NAALADL2: variants seen among roughly 807,000 people sequenced by gnomAD.
NAALADL2 encodes the protein N-acetylated alpha-linked acidic dipeptidase like 2.
In NAALADL2, 76 loss-of-function variants were observed where a neutral mutation model predicts 87.2. That is an observed-to-expected ratio of 0.87 (90% confidence interval 0.72 to 1.05). The LOEUF (loss-of-function observed/expected upper bound fraction) is 1.05. Ranked by LOEUF, NAALADL2 falls within the 50% of genes least tolerant of loss-of-function variation. The pLI is 0.00. For synonymous variants in NAALADL2, 354 were observed against 331.0 expected (o/e 1.07, Z -0.75); for missense variants, 1,089 against 945.8 (o/e 1.15, Z -1.99).
chr3:174,897,342 C>G (rs926322719), intron 1 of NAALADL2, among the ~76,000 whole-genome samples: 2 of 150,772 alleles, frequency 1.3e-5, no homozygotes, highest in Non-Finnish European at 3.0e-5. Context: ...ATAATCTTAT[C>G]AAAAAGTGGG....
At chr3:175,146,029 G>C (rs924895411) in intron 2 of NAALADL2, among the ~76,000 whole-genome samples, 4 of 152,008 alleles carry the variant, frequency 2.6e-5, no homozygotes, top group African/African-American at 9.7e-5. Flanking sequence ...ACCTTTGTCA[G>C]AATTCTCACT....
chr3:175,423,530 C>T (rs1375313077), intron 5 of NAALADL2, among the ~76,000 whole-genome samples: 1 of 149,142 alleles, frequency 6.7e-6, no homozygotes, highest in Non-Finnish European at 1.5e-5. Context: ...GGTTTTTTGT[C>T]CTTGCGATAG....
At chr3:174,786,392 A>G (rs1404392771) in intron 3 of NAALADL2, among the ~76,000 whole-genome samples, 1 of 149,150 alleles carries the variant, frequency 6.7e-6, no homozygotes, top group Non-Finnish European at 1.5e-5. Flanking sequence ...TGGAGGTTGC[A>G]GTGAGCCGAG....
At chr3:175,063,670 G>C (rs183639930) in intron 1 of NAALADL2, among the ~76,000 whole-genome samples, 6 of 151,852 alleles carry the variant, frequency 4.0e-5, no homozygotes, top group African/African-American at 1.4e-4. Flanking sequence ...TTTTTATAGA[G>C]ATGGATCTCC....
chr3:174,897,713 A>T (rs149611250), intron 1 of NAALADL2, among the ~76,000 whole-genome samples: 278 of 152,234 alleles, frequency 1.8e-3, no homozygotes, highest in African/African-American at 6.2e-3. Flanking sequence ...ATATATCTGC[A>T]CTCCTATAAT....
At chr3:175,209,562 C>A (rs1346575749) in intron 2 of NAALADL2, among the ~76,000 whole-genome samples, 1 of 151,936 alleles carries the variant, frequency 6.6e-6, no homozygotes, top group African/African-American at 2.4e-5. Flanking sequence ...GAATGTTAAT[C>A]ATAGGAAAAT....
chr3:175,193,099 A>G (rs1738447212), intron 2 of NAALADL2, among the ~76,000 whole-genome samples: 1 of 152,026 alleles, frequency 6.6e-6, no homozygotes, highest in Admixed American at 6.6e-5. Flanking sequence ...TGTAATCTTT[A>G]TATTTTTAAT....
chr3:175,217,862 G>A (rs537753083), intron 2 of NAALADL2, among the ~76,000 whole-genome samples: 1 of 152,258 alleles, frequency 6.6e-6, no homozygotes, highest in South Asian at 2.1e-4. Flanking sequence ...GTTTGTGTTT[G>A]TTAGGAACAT....
At chr3:174,689,226 A>G (rs1370688765) in intron 2 of NAALADL2, among the ~76,000 whole-genome samples, 1 of 152,060 alleles carries the variant, frequency 6.6e-6, no homozygotes, top group Non-Finnish European at 1.5e-5. Flanking sequence ...CTTTGTCTAG[A>G]TATTTTTCTA....
chr3:174,555,664 T>C (rs1451122985), intron 2 of NAALADL2, among the ~76,000 whole-genome samples: 1 of 152,158 alleles, frequency 6.6e-6, no homozygotes. Context: ...TGTGATCTGA[T>C]GGTAATAAAC....
chr3:175,333,967 T>C (rs1187828706), intron 5 of NAALADL2, among the ~76,000 whole-genome samples: 1 of 152,166 alleles, frequency 6.6e-6, no homozygotes, highest in Non-Finnish European at 1.5e-5. Context: ...AAATATCATG[T>C]ATCATTAAGA....
At chr3:174,569,074 T>A (rs1194325474) in intron 2 of NAALADL2, among the ~76,000 whole-genome samples, 1 of 151,604 alleles carries the variant, frequency 6.6e-6, no homozygotes, top group Non-Finnish European at 1.5e-5. Flanking sequence ...ATTTCAGCCA[T>A]CAAAATATGT....
intron 1 of NAALADL2, among the ~76,000 whole-genome samples, chr3:174,545,367 AT>A (rs1331023065): frequency 6.6e-6 from 1 of 152,102 alleles, no homozygotes; most frequent in African/African-American, 2.4e-5. Context: ...ATGTATTAGG[AT>A]TCTGTGTTAC....
intron 2 of NAALADL2, among the ~76,000 whole-genome samples, chr3:174,704,263 A>G (rs561483353): frequency 1.3e-5 from 2 of 152,206 alleles, no homozygotes; most frequent in Non-Finnish European, 2.9e-5. Flanking sequence ...ATAATTGCTT[A>G]TAGCTTCCTG....
chr3:175,590,452 G>A (rs12493672), intron 10 of NAALADL2, among the ~76,000 whole-genome samples: 116,761 of 151,472 alleles, frequency 0.77, 45,080 homozygotes, highest in East Asian at 0.88. Flanking sequence ...GAAATAATAT[G>A]GTATAGAGGT....
chr3:174,442,278 G>C (rs1026484290), intron 1 of NAALADL2, among the ~76,000 whole-genome samples: 1 of 152,110 alleles, frequency 6.6e-6, no homozygotes, highest in African/African-American at 2.4e-5. Context: ...TTTAAAACTG[G>C]ATTCTTGGTA....
intron 12 of NAALADL2, among the ~76,000 whole-genome samples, chr3:175,743,197 C>T (rs1417189631): frequency 6.6e-6 from 1 of 152,032 alleles, no homozygotes; most frequent in Non-Finnish European, 1.5e-5. Context: ...GATGGGGTTT[C>T]ACCATGTTGG....
At chr3:174,844,417 G>A (rs1724361735) in intron 3 of NAALADL2, among the ~76,000 whole-genome samples, 1 of 152,084 alleles carries the variant, frequency 6.6e-6, no homozygotes, top group Admixed American at 6.6e-5. Context: ...TTTGAAGTTA[G>A]GTAATGAGTG....
chr3:174,744,102 T>C (rs530854871), intron 3 of NAALADL2, among the ~76,000 whole-genome samples: 1 of 152,066 alleles, frequency 6.6e-6, no homozygotes, highest in Non-Finnish European at 1.5e-5. Flanking sequence ...GGCCTCATAA[T>C]GATGTTCAAG....
Sources: allele counts gnomAD v4.1 joint callset (sites outside exome capture counted in the v4.1 genomes callset), GRCh38; gene constraint gnomAD v4.1.1; transcripts MANE v1.5; gene names NCBI Gene and HGNC (gene_info 2026-07-23, HGNC 2026-07-21).